The following SORCS1 variants were observed in gnomAD, a reference collection of about 807,000 sequenced individuals.
SORCS1 encodes the protein sortilin related VPS10 domain containing receptor 1, also known as VPS10 domain-containing receptor SorCS1.
SORCS1 carries 60 observed loss-of-function variants against 146.1 expected under a neutral mutation model. The ratio of observed to expected loss-of-function variants is 0.41; its 90% confidence interval spans 0.33 to 0.51. The LOEUF (loss-of-function observed/expected upper bound fraction) is 0.51, where lower values mean the gene tolerates loss of function less well. SORCS1 is among the 20% of genes least tolerant of loss of function. The pLI, the probability that SORCS1 is intolerant of heterozygous loss-of-function variation, is 0.21. For missense variants in SORCS1, 1,352 were observed against 1,487.6 expected (o/e 0.91, Z 1.50); for synonymous variants, 637 against 584.0 (o/e 1.09, Z -1.31).
intron 3 of SORCS1, among the ~76,000 whole-genome samples, chr10:106,821,032 T>C (rs1441815401): frequency 6.6e-6 from 1 of 152,198 alleles, no homozygotes; most frequent in African/African-American, 2.4e-5. Flanking sequence ...ATTAGACAGA[T>C]AACTTTAAAA....
intron 4 of SORCS1, among the ~76,000 whole-genome samples, chr10:106,762,322 C>A (rs2136258429): frequency 6.6e-6 from 1 of 150,470 alleles, no homozygotes; most frequent in African/African-American, 2.4e-5. Context: ...AATAATTACA[C>A]ATTATTCAGG....
chr10:107,045,567 C>G (rs1246033364), intron 1 of SORCS1, among the ~76,000 whole-genome samples: 1 of 152,120 alleles, frequency 6.6e-6, no homozygotes, highest in Non-Finnish European at 1.5e-5. Flanking sequence ...ATCACCAATT[C>G]TCCACAGAAA....
chr10:107,031,187 C>T (rs1356956311), intron 1 of SORCS1, among the ~76,000 whole-genome samples: 1 of 152,196 alleles, frequency 6.6e-6, no homozygotes, highest in Non-Finnish European at 1.5e-5. Context: ...AGAACAATCT[C>T]CTTTTTTCTA....
intron 5 of SORCS1, among the ~76,000 whole-genome samples, chr10:106,739,868 C>T (rs995736038): frequency 1.3e-5 from 2 of 150,728 alleles, no homozygotes; most frequent in South Asian, 2.1e-4. Flanking sequence ...AGGACAATGG[C>T]GTCAACCCGG....
intron 5 of SORCS1, among the ~76,000 whole-genome samples, chr10:106,749,742 T>C (rs1858006992): frequency 6.6e-6 from 1 of 152,200 alleles, no homozygotes; most frequent in East Asian, 1.9e-4. Context: ...TATCCAACTC[T>C]TCCCTATTCC....
intron 2 of SORCS1, among the ~76,000 whole-genome samples, chr10:106,833,940 C>A (rs377267366): frequency 8.5e-5 from 13 of 152,286 alleles, no homozygotes; most frequent in African/African-American, 2.9e-4. Context: ...ACTACAGGCG[C>A]CCGCCACCAT....
At position 106,726,634 on chromosome 10, in the gene SORCS1, G is replaced by A. The variant is rs984477709; in HGVS notation, c.1024+3416C>T. Among the ~76,000 whole-genome samples the A allele has an allele frequency of 1.1e-4, 16 of 152,158 alleles. 1 individual carries two copies. The South Asian group carries it at 2.9e-3, about 28-fold the overall frequency. ...AAAAGCTTGAAAATGAAAGCAACCC[G>A]GGATGCTACCAATTCCATCCAGAGC... On this transcript the variant is annotated intron_variant, in intron 6 of 25. Transcript: ENST00000263054.
intron 24 of SORCS1, among the ~76,000 whole-genome samples, chr10:106,591,776 G>A (rs1163520007): frequency 6.6e-6 from 1 of 152,056 alleles, no homozygotes; most frequent in African/African-American, 2.4e-5. Context: ...CAGACAAGGG[G>A]AAGATGTTGT....
chr10:106,803,905 C>A (rs2136677988), intron 3 of SORCS1, among the ~76,000 whole-genome samples: 1 of 152,286 alleles, frequency 6.6e-6, no homozygotes, highest in Admixed American at 6.5e-5. Context: ...AATCTCTAAA[C>A]ATCTACTCTA....
intron 18 of SORCS1, among the ~76,000 whole-genome samples, chr10:106,642,733 T>A (rs1291584327): frequency 6.6e-6 from 1 of 152,224 alleles, no homozygotes; most frequent in East Asian, 1.9e-4. Context: ...TTAGAATAGA[T>A]AAACAGTGTC....
chr10:107,123,117 A>G (rs1232752750), intron 1 of SORCS1, among the ~76,000 whole-genome samples: 1 of 151,906 alleles, frequency 6.6e-6, no homozygotes, highest in Non-Finnish European at 1.5e-5. Flanking sequence ...AACAAACACA[A>G]CAAAACTGAA....
At chr10:107,091,726 C>A (rs1314857955) in intron 1 of SORCS1, among the ~76,000 whole-genome samples, 1 of 152,026 alleles carries the variant, frequency 6.6e-6, no homozygotes, top group Admixed American at 6.6e-5. Flanking sequence ...TGCTGGAGAC[C>A]CCCATGTGCC....
At chr10:106,843,585 C>A (rs1564724955) in intron 2 of SORCS1, among the ~76,000 whole-genome samples, 1 of 152,016 alleles carries the variant, frequency 6.6e-6, no homozygotes, top group South Asian at 2.1e-4. Flanking sequence ...GCATCTGCCA[C>A]CACGCCCAGC....
chr10:107,169,852 C>T, the SORCS1 span, among the ~76,000 whole-genome samples: 3 of 152,118 alleles, frequency 2.0e-5, no homozygotes, highest in African/African-American at 7.2e-5. Context: ...TAAAATTCCA[C>T]ATTATTTTTG....
chr10:107,003,473 T>C (rs1484346895), intron 1 of SORCS1, among the ~76,000 whole-genome samples: 2 of 141,156 alleles, frequency 1.4e-5, no homozygotes, highest in Non-Finnish European at 3.0e-5. Context: ...TGTGTGTGTG[T>C]AGTAATCCAC....
chr10:106,925,911 T>C (rs1952991604), intron 2 of SORCS1, among the ~76,000 whole-genome samples: 1 of 152,174 alleles, frequency 6.6e-6, no homozygotes, highest in Admixed American at 6.5e-5. Context: ...ACAGTTCTGT[T>C]CCTGGACAAC....
intron 16 of SORCS1, among the ~76,000 whole-genome samples, chr10:106,668,734 G>A (rs1253516268): frequency 6.6e-6 from 1 of 152,150 alleles, no homozygotes; most frequent in African/African-American, 2.4e-5. Flanking sequence ...GCAGGATTTG[G>A]TGCTGGTTCA....
chr10:107,085,177 T>G (rs1460561187), intron 1 of SORCS1, among the ~76,000 whole-genome samples: 2 of 152,216 alleles, frequency 1.3e-5, no homozygotes, highest in Admixed American at 1.3e-4. Context: ...TAGACAGAGA[T>G]GTCACTAAAT....
chr10:107,102,954 T>C (rs1184311642), intron 1 of SORCS1, among the ~76,000 whole-genome samples: 2 of 152,164 alleles, frequency 1.3e-5, no homozygotes, highest in Non-Finnish European at 2.9e-5. Context: ...GCTATCAATC[T>C]TCCGTCTTCA....
Sources: allele counts gnomAD v4.1 joint callset (sites outside exome capture counted in the v4.1 genomes callset), GRCh38; gene constraint gnomAD v4.1.1; transcripts MANE v1.5; gene names NCBI Gene and HGNC (gene_info 2026-07-23, HGNC 2026-07-21).